Variants in DLEU7 observed in about 807,000 individuals in gnomAD.
DLEU7 encodes the protein leukemia-associated protein 7.
In DLEU7, 17 loss-of-function variants were observed where a neutral mutation model predicts 16.0. The observed-to-expected ratio is 1.06, with a 90% CI of 0.73 to 1.59. DLEU7 has a LOEUF of 1.59. Among genes scored for constraint, DLEU7 ranks in the 40% most tolerant of loss-of-function variants. DLEU7 has a pLI of 0.00. For missense variants in DLEU7, 308 were observed against 314.9 expected, an observed-to-expected ratio of 0.98 and a Z score of 0.17; for synonymous variants, 113 against 139.8, an observed-to-expected ratio of 0.81 and a Z score of 1.35.
intron 1 of DLEU7, among the ~76,000 whole-genome samples, chr13:50,770,283 C>T (rs1183586344): frequency 6.6e-6 from 1 of 152,106 alleles, no homozygotes; most frequent in Non-Finnish European, 1.5e-5. Flanking sequence ...TGCCTGATTG[C>T]CCTGGCCAGA....
chr13:50,730,992 G>A (rs2492346), intron 1 of DLEU7, among the ~76,000 whole-genome samples: 4,269 of 152,166 alleles, frequency 0.028, 196 homozygotes, highest in African/African-American at 0.097. Context: ...CTGCATAGCC[G>A]ATGAAAAATG....
Position 50,843,378 on chromosome 13 carries a change from A to ACCT in DLEU7, c.266_268dup (p.Glu89dup). ...GGCGCCCCCCTCAGCGCCTCGCACTACCTCCTCCTCTGGGGAGTTCGCCCG... is the reference window on the plus strand; with the variant it reads ...GGCGCCCCCCTCAGCGCCTCGCACTACCTCCTCCTCCTCTGGGGAGTTCGCCCG... On this transcript the variant is annotated inframe_insertion, in exon 1 of 2. Coordinates refer to ENST00000504404, the MANE Select transcript of DLEU7 (RefSeq NM_001306135.2). This position sits in a 1 kb window ranked among gnomAD's most constrained non-coding sequence, Gnocchi z 5.7. The ACCT allele has an allele frequency of 7.1e-7, 1 of 1,401,150 alleles. No individual in the cohort carries two copies. The highest frequency in any genetic ancestry group is 9.3e-7 in the Non-Finnish European group (1 of 1,079,904). The allele number at this position is 1,401,150 out of a possible 1,614,324, so 86.8% of individuals were successfully genotyped here. A position where few individuals can be genotyped will look rare whatever the true frequency, so the allele number is the denominator to read the frequency against.
intron 1 of DLEU7, chr13:50,719,529 A>G (rs1395921705): frequency 6.6e-6 from 1 of 152,212 alleles, no homozygotes; most frequent in African/African-American, 2.4e-5. Context: ...TAAAAGATTG[A>G]GCTCTGTGTT....
chr13:50,791,277 A>G (rs1875950863), intron 1 of DLEU7, among the ~76,000 whole-genome samples: 1 of 152,128 alleles, frequency 6.6e-6, no homozygotes, highest in South Asian at 2.1e-4. Context: ...ATGCAGGGGC[A>G]CCTATGCTTT....
At chr13:50,801,387 G>A (rs746483065) in intron 1 of DLEU7, among the ~76,000 whole-genome samples, 6 of 152,078 alleles carry the variant, frequency 3.9e-5, no homozygotes, top group Non-Finnish European at 8.8e-5. Context: ...GCACGGAGCT[G>A]TTGTTCATAC....
chr13:50,842,625 A>G (rs1001513740), intron 1 of DLEU7, among the ~76,000 whole-genome samples: 3 of 152,206 alleles, frequency 2.0e-5, no homozygotes, highest in Admixed American at 2.0e-4. Flanking sequence ...GGACCCACCC[A>G]GCTCTCACCC....
chr13:50,793,214 CT>C (rs907838736), intron 1 of DLEU7, among the ~76,000 whole-genome samples: 1 of 151,784 alleles, frequency 6.6e-6, no homozygotes, highest in African/African-American at 2.4e-5. Flanking sequence ...TGATGTCATT[CT>C]TTTTTTTAAT....
intron 1 of DLEU7, among the ~76,000 whole-genome samples, chr13:50,755,707 T>C (rs1874734645): frequency 6.6e-6 from 1 of 152,196 alleles, no homozygotes; most frequent in Non-Finnish European, 1.5e-5. Context: ...CAGGGATTTC[T>C]TCTTGGTTTG....
intron 1 of DLEU7, among the ~76,000 whole-genome samples, chr13:50,745,356 T>C (rs894375084): frequency 2.6e-5 from 4 of 152,162 alleles, no homozygotes; most frequent in Non-Finnish European, 4.4e-5. Flanking sequence ...GAAGTTAACA[T>C]AGTCAGATTT....
At position 50,840,556 on chromosome 13, in the gene DLEU7, G is replaced by A. The variant is rs538969165; in HGVS notation, c.459+2632C>T. Among the ~76,000 whole-genome samples, 3 of 152,268 alleles carry A rather than the reference G, an allele frequency of 2.0e-5. No individual in the cohort carries two copies. The South Asian group carries it at 6.2e-4, about 32-fold the overall frequency. ...GGGTGAACAGCAGACTCCAGTAGTTGTATACTTCTAGAAAGTGGAAGCAGT... is the reference window on the plus strand; with the variant it reads ...GGGTGAACAGCAGACTCCAGTAGTTATATACTTCTAGAAAGTGGAAGCAGT... On this transcript the variant is annotated intron_variant, in intron 1 of 1. Coordinates refer to ENST00000504404, the MANE Select transcript of DLEU7 (RefSeq NM_001306135.2).
chr13:50,756,814 G>A (rs1297088421), intron 1 of DLEU7, among the ~76,000 whole-genome samples: 1 of 152,068 alleles, frequency 6.6e-6, no homozygotes, highest in Non-Finnish European at 1.5e-5. Flanking sequence ...CATACCTCTG[G>A]CTGCCCTCCC....
chr13:50,822,712 G>T, downstream of DLEU7: 2 of 985,162 alleles, frequency 2.0e-6, no homozygotes, highest in African/African-American at 3.5e-5. Flanking sequence ...ATCACTTTAA[G>T]TTTTTAAATT....
At chr13:50,713,776 A>G (rs1873361437) in intron 1 of DLEU7, among the ~76,000 whole-genome samples, 1 of 152,192 alleles carries the variant, frequency 6.6e-6, no homozygotes, top group African/African-American at 2.4e-5. Context: ...TATAAAATAA[A>G]CTAGGCTATG....
chr13:50,758,025 A>ATTTTTTTT (rs5803530), intron 1 of DLEU7, among the ~76,000 whole-genome samples: 17 of 89,102 alleles, frequency 1.9e-4, no homozygotes, highest in Admixed American at 4.0e-4. Context: ...CATTACCAAG[A>ATTTTTTTT]TTTTTTTTTT....
chr13:50,786,506 C>T (rs1303085725), intron 1 of DLEU7, among the ~76,000 whole-genome samples: 2 of 152,132 alleles, frequency 1.3e-5, no homozygotes, highest in Non-Finnish European at 2.9e-5. Context: ...GAAATAAATA[C>T]TCGTAGGATT....
intron 1 of DLEU7, among the ~76,000 whole-genome samples, chr13:50,800,306 A>G (rs566071480): frequency 1.3e-5 from 2 of 152,214 alleles, no homozygotes; most frequent in Non-Finnish European, 2.9e-5. Context: ...GACTGAGTGT[A>G]AAAAATAGAT....
chr13:50,823,679 G>A (rs1876989405), intron 1 of DLEU7, among the ~76,000 whole-genome samples, 159 bp from the exon 2 acceptor site: 1 of 151,770 alleles, frequency 6.6e-6, no homozygotes, highest in Non-Finnish European at 1.5e-5. Flanking sequence ...CTATGCAGTT[G>A]GACCAAAGCT....
intron 1 of DLEU7, among the ~76,000 whole-genome samples, chr13:50,814,953 T>A (rs1876686129): frequency 6.6e-6 from 1 of 152,022 alleles, no homozygotes; most frequent in Non-Finnish European, 1.5e-5. Flanking sequence ...TTTGCCACTA[T>A]GAATCTATAA....
chr13:50,728,192 G>A (rs1454286854), intron 1 of DLEU7, among the ~76,000 whole-genome samples: 1 of 152,174 alleles, frequency 6.6e-6, no homozygotes, highest in African/African-American at 2.4e-5. Context: ...GTAATCACAT[G>A]AGGTTGGGCT....
Sources: allele counts gnomAD v4.1 joint callset (sites outside exome capture counted in the v4.1 genomes callset), GRCh38; gene constraint gnomAD v4.1.1; non-coding constraint Gnocchi (gnomAD v3.1); transcripts MANE v1.5; gene names NCBI Gene and HGNC (gene_info 2026-07-23, HGNC 2026-07-21).